The following STAG1 variants were observed in gnomAD, a reference collection of about 807,000 sequenced individuals.
STAG1 encodes STAG1 cohesin complex component.
Under a neutral mutation model 170.9 loss-of-function variants are expected in STAG1, and 26 were observed. The observed-to-expected ratio is 0.15, with a 90% CI of 0.11 to 0.21. The LOEUF (loss-of-function observed/expected upper bound fraction) is 0.21. Among genes scored for constraint, STAG1 ranks in the 10% least tolerant of loss-of-function variants. The pLI is 1.00. For synonymous variants in STAG1, 514 were observed against 497.7 expected (o/e 1.03, Z -0.44); for missense variants, 964 against 1,509.5 (o/e 0.64, Z 5.99).
At chr3:136,423,886 C>CAAA (rs1315236773) in intron 16 of STAG1, among the ~76,000 whole-genome samples, 1 of 150,198 alleles carries the variant, frequency 6.7e-6, no homozygotes, top group Non-Finnish European at 1.5e-5. Context: ...ATTTTTGAGA[C>CAAA]AGAGTCTTGC....
At chr3:136,724,887 T>G (rs1576815963) in intron 1 of STAG1, among the ~76,000 whole-genome samples, 1 of 152,146 alleles carries the variant, frequency 6.6e-6, no homozygotes, top group East Asian at 1.9e-4. Flanking sequence ...TCTATAAGGC[T>G]GAAAAGAGAC....
chr3:136,628,660 T>G (rs1940207627), intron 2 of STAG1, among the ~76,000 whole-genome samples: 1 of 152,178 alleles, frequency 6.6e-6, no homozygotes. Context: ...TCATAATACC[T>G]CCTACTTTTC....
chr3:136,740,851 T>C (rs1310040677), intron 1 of STAG1, among the ~76,000 whole-genome samples: 1 of 152,146 alleles, frequency 6.6e-6, no homozygotes, highest in African/African-American at 2.4e-5. Flanking sequence ...GAGTATGTAA[T>C]CTAATTTGGT....
chr3:136,745,406 T>C (rs1934884001), intron 1 of STAG1, among the ~76,000 whole-genome samples: 1 of 152,142 alleles, frequency 6.6e-6, no homozygotes, highest in Non-Finnish European at 1.5e-5. Flanking sequence ...TCCCCAACGT[T>C]TTTGGTACCA....
At chr3:136,485,317 C>T (rs1203694414) in intron 9 of STAG1, among the ~76,000 whole-genome samples, 2 of 151,892 alleles carry the variant, frequency 1.3e-5, no homozygotes, top group African/African-American at 2.4e-5. Flanking sequence ...ATTAGCTGGG[C>T]GTGGTGGTGG....
chr3:136,498,272 A>C (rs1474387362), intron 9 of STAG1, among the ~76,000 whole-genome samples: 1 of 91,804 alleles, frequency 1.1e-5, no homozygotes, highest in Admixed American at 1.1e-4. Flanking sequence ...ACACACACAC[A>C]CCACACACAC....
chr3:136,551,701 C>T (rs1188989270), intron 5 of STAG1, among the ~76,000 whole-genome samples: 1 of 151,792 alleles, frequency 6.6e-6, no homozygotes, highest in African/African-American at 2.4e-5. Flanking sequence ...CAGCCTCAAC[C>T]TCTTGGCCAC....
At chr3:136,352,806 C>T (rs981841024) in intron 28 of STAG1, among the ~76,000 whole-genome samples, 6 of 152,088 alleles carry the variant, frequency 3.9e-5, no homozygotes, top group East Asian at 1.9e-4. Flanking sequence ...AAGTATTCTG[C>T]GTGTTAAAGG....
chr3:136,528,728 T>C (rs557191694), intron 6 of STAG1, among the ~76,000 whole-genome samples: 3 of 152,022 alleles, frequency 2.0e-5, no homozygotes, highest in African/African-American at 7.2e-5. Flanking sequence ...GGTGAGTGGA[T>C]TCCTTGAGCT....
intron 22 of STAG1, among the ~76,000 whole-genome samples, chr3:136,396,971 T>C (rs1311202841): frequency 6.6e-6 from 1 of 152,166 alleles, no homozygotes; most frequent in Non-Finnish European, 1.5e-5. Flanking sequence ...AATTTAAAAA[T>C]CCTACTACTT....
intron 9 of STAG1, among the ~76,000 whole-genome samples, chr3:136,487,668 T>G (rs1019823731): frequency 3.3e-5 from 5 of 152,204 alleles, no homozygotes; most frequent in African/African-American, 1.2e-4. Context: ...CATATACATG[T>G]GAATAATCAC....
chr3:136,693,040 C>G (rs1401798104), intron 1 of STAG1, among the ~76,000 whole-genome samples: 1 of 152,198 alleles, frequency 6.6e-6, no homozygotes, highest in African/African-American at 2.4e-5. Context: ...GTCCAGTGAA[C>G]TATCCAGTTT....
At chr3:136,692,918 ATGT>A (rs1942774083) in intron 1 of STAG1, among the ~76,000 whole-genome samples, 1 of 152,190 alleles carries the variant, frequency 6.6e-6, no homozygotes, top group Admixed American at 6.5e-5. Flanking sequence ...TCTGATGATG[ATGT>A]GGCCCATAAA....
intron 5 of STAG1, among the ~76,000 whole-genome samples, chr3:136,550,853 C>T (rs528481756): frequency 3.9e-5 from 6 of 152,154 alleles, no homozygotes; most frequent in African/African-American, 1.4e-4. Flanking sequence ...CAATGTCTTT[C>T]GATTTGTCTG....
intron 1 of STAG1, among the ~76,000 whole-genome samples, chr3:136,740,206 GC>G (rs1046566111): frequency 2.0e-4 from 31 of 152,234 alleles, no homozygotes; most frequent in African/African-American, 7.5e-4. Flanking sequence ...TCACACCACT[GC>G]ACTCCAGCCC....
Position 136,425,684 on chromosome 3 carries a change from ATG to A in STAG1, c.1651-2642_1651-2641del, listed in dbSNP as rs200468281. 7.4e-3 allele frequency among the ~76,000 whole-genome samples: 1,115 copies of A among 150,854 alleles called. 17 individuals are homozygous for A. Among genetic ancestry groups the A allele is most frequent in the African/African-American group, 0.026 (1,062 of 41,268 alleles). ...ATGAATGTATGATTTAAATACGTGT[ATG>A]TGTGTGTATGTATGTATGTATGTTT... On this transcript the variant is annotated intron_variant, in intron 16 of 33. Coordinates refer to ENST00000383202, the MANE Select transcript of STAG1 (RefSeq NM_005862.3).
intron 6 of STAG1, among the ~76,000 whole-genome samples, chr3:136,523,738 T>G (rs979000963): frequency 1.3e-5 from 2 of 152,220 alleles, no homozygotes; most frequent in Non-Finnish European, 2.9e-5. Flanking sequence ...GTCTAACATG[T>G]AAGTCTTTAA....
At chr3:136,468,313 G>C (rs570064230) in intron 12 of STAG1, among the ~76,000 whole-genome samples, 2 of 152,050 alleles carry the variant, frequency 1.3e-5, no homozygotes, top group East Asian at 1.9e-4. Flanking sequence ...AATAAAAAAG[G>C]ATAAAGGGGA....
intron 1 of STAG1, among the ~76,000 whole-genome samples, chr3:136,725,465 G>A (rs1318047886): frequency 1.3e-5 from 2 of 152,120 alleles, no homozygotes; most frequent in East Asian, 3.8e-4. Context: ...TATTAAGTAT[G>A]CAGAAAGGCA....
Sources: allele counts gnomAD v4.1 joint callset (sites outside exome capture counted in the v4.1 genomes callset), GRCh38; gene constraint gnomAD v4.1.1; transcripts MANE v1.5; gene names NCBI Gene and HGNC (gene_info 2026-07-23, HGNC 2026-07-21).